LAMB3: variants seen among roughly 807,000 people sequenced by gnomAD.
The protein encoded by LAMB3 is laminin subunit beta-3.
In LAMB3, 104 loss-of-function variants were observed where a neutral mutation model predicts 140.3. That is an observed-to-expected ratio of 0.74 (90% CI 0.63 to 0.87). The LOEUF (loss-of-function observed/expected upper bound fraction) is 0.87. Ranked by LOEUF, LAMB3 falls within the 40% of genes least tolerant of loss-of-function variation. LAMB3 has a pLI of 0.00. For missense variants in LAMB3, 1,531 were observed against 1,575.2 expected (o/e 0.97, Z 0.47); for synonymous variants, 592 against 602.9 (o/e 0.98, Z 0.26).
chr1:209,621,210 C>T (rs1034452198), intron 18 of LAMB3, among the ~76,000 whole-genome samples: 1 of 152,210 alleles, frequency 6.6e-6, no homozygotes, highest in Non-Finnish European at 1.5e-5. Context: ...GGATGAGTGG[C>T]CATTCAGCCT....
At chr1:209,649,095 C>A (rs1305136452) in intron 3 of LAMB3, among the ~76,000 whole-genome samples, 1 of 152,120 alleles carries the variant, frequency 6.6e-6, no homozygotes, top group Non-Finnish European at 1.5e-5. Context: ...CAAGAGAACA[C>A]AGGGACTAGA....
chr1:209,625,805 C>T lies in LAMB3; in HGVS notation c.1819G>A (p.Ala607Thr), dbSNP rs150564174. Residue 607 changes from alanine to threonine, a missense_variant, in exon 14 of 23, where the codon GCC becomes ACC. Physicochemically the swap from Ala to Thr is moderately conservative, Grantham distance 58 (BLOSUM62 0). Transcript: ENST00000356082. ...LRFGRLRNATASLWSGPGLED... is the reference protein window; with the variant it reads ...LRFGRLRNATTSLWSGPGLED... ...AGCCCAGGCCCTGACCACAGGCTGG[C>T]GGTGGCATTGCGGAGTCTACCAAAG... 116 of 1,614,004 alleles carry T rather than the reference C, an allele frequency of 7.2e-5. No homozygotes were observed. In the African/African-American group the frequency reaches 1.0e-3, roughly 14 times the overall value.
At chr1:209,634,316 A>C (rs1666810303) in intron 6 of LAMB3, 131 bp downstream of exon 6, 1 of 907,802 alleles carries the variant, frequency 1.1e-6, no homozygotes, top group Admixed American at 1.8e-5. Flanking sequence ...ACTGGTGGGA[A>C]TTCAGGAAAG....
rs140336145 is a variant in LAMB3 at position 209,629,770 on chromosome 1, G to A, written c.1099C>T (p.Arg367Cys). 8.1e-6 allele frequency: 13 copies of A among 1,614,026 alleles called. No individual in the cohort carries two copies. In the East Asian group the frequency reaches 1.1e-4, roughly 14 times the overall value. ...RCQLHYFRNRRPGASIQETCI... is the reference protein window; with the variant it reads ...RCQLHYFRNRCPGASIQETCI... The stretch of plus-strand genomic sequence containing the variant: ...GTCTCCTGAATGGAAGCTCCCGGGC[G>A]CCGGTTCCGGAAATAGTGCAGCTGA... Residue 367 changes from arginine to cysteine, a missense_variant, in exon 10 of 23, where the codon CGC becomes TGC. Physicochemically the swap from Arg to Cys is radical, Grantham distance 180. Transcript: ENST00000356082.
intron 13 of LAMB3, 113 bp from the exon 14 acceptor site, chr1:209,626,139 AT>A: frequency 8.5e-7 from 1 of 1,174,628 alleles, no homozygotes; most frequent in Non-Finnish European, 1.2e-6. Flanking sequence ...ATGACTTAGA[AT>A]AACAGAAGTC....
In LAMB3 at chr1:209,621,426, A is replaced by G. The variant is rs1287876154; in HGVS notation, c.2701+1110T>C. Among the ~76,000 whole-genome samples the G allele has an allele frequency of 2.0e-5, 3 of 152,328 alleles. No individual in the cohort carries two copies. In the South Asian group the frequency reaches 6.2e-4, roughly 32 times the overall value. On this transcript the variant is annotated intron_variant, in intron 18 of 22. Coordinates refer to ENST00000356082, the MANE Select transcript of LAMB3 (RefSeq NM_000228.3). ...CCTCTCTGACCTGCCACCTGCACTC[A>G]GGAGGGGACTTCGGCCTATCTGGGG...
At chr1:209,616,145 C>G (rs1218607399) in intron 22 of LAMB3, among the ~76,000 whole-genome samples, 1 of 151,976 alleles carries the variant, frequency 6.6e-6, no homozygotes, top group Non-Finnish European at 1.5e-5. Flanking sequence ...ATTATTCAAC[C>G]CCTATCAGAG....
At chr1:209,633,433 T>A (rs916054011) in intron 6 of LAMB3, among the ~76,000 whole-genome samples, 1 of 152,096 alleles carries the variant, frequency 6.6e-6, no homozygotes. Flanking sequence ...CATCTACATA[T>A]AAGGGTTTAG....
intron 3 of LAMB3, among the ~76,000 whole-genome samples, chr1:209,646,252 G>A (rs12144522): frequency 0.17 from 26,005 of 152,150 alleles, 2,411 homozygotes; most frequent in African/African-American, 0.23. Flanking sequence ...AGAGATGACC[G>A]AAGGGCATGG....
At chr1:209,622,161 G>A (rs1666218650) in intron 18 of LAMB3, among the ~76,000 whole-genome samples, 1 of 152,236 alleles carries the variant, frequency 6.6e-6, no homozygotes, top group Non-Finnish European at 1.5e-5. Context: ...GCAGAGAAGA[G>A]CCCAAGGTCA....
intron 5 of LAMB3, among the ~76,000 whole-genome samples, chr1:209,636,327 C>A (rs944573481): frequency 6.6e-6 from 1 of 152,162 alleles, no homozygotes; most frequent in South Asian, 2.1e-4. Context: ...ATTACATACC[C>A]ATAGTTATGA....
In LAMB3 at chr1:209,634,520, C is replaced by T. The variant is rs754855375; in HGVS notation, c.491G>A (p.Arg164Gln). ...CCGAACATCCTGCCAGCTCTGAGGC[C>T]GACCCTGGCGGACCCGAGGGAAGGT... ...TSTFPRVRQG[R>Q]PQSWQDVRCQ... is the part of the protein sequence containing the mutation. Residue 164 changes from arginine (R) to glutamine (Q), a missense_variant, in exon 6 of 23, where the codon CGG (arginine) becomes CAG (glutamine). By Grantham distance (43) the Arg-to-Gln change is conservative. Coordinates refer to ENST00000356082, the MANE Select transcript of LAMB3 (RefSeq NM_000228.3). 15 of 1,614,042 alleles carry T rather than the reference C, an allele frequency of 9.3e-6. No individual in the cohort carries two copies. The highest frequency in any genetic ancestry group is 2.2e-5 in the East Asian group (1 of 44,856).
chr1:209,616,327 G>A (rs1665960778), intron 22 of LAMB3, 144 bp downstream of exon 22: 1 of 941,760 alleles, frequency 1.1e-6, no homozygotes, highest in African/African-American at 1.6e-5. Context: ...CCTCATACAT[G>A]CTAGATGCCC....
intron 18 of LAMB3, 53 bp downstream of exon 18, chr1:209,622,483 C>T (rs879115792): frequency 4.4e-5 from 70 of 1,605,354 alleles, no homozygotes; most frequent in South Asian, 2.5e-4. Flanking sequence ...CATGGGAATG[C>T]GGGACAGGCA....
chr1:209,627,604 C>G (rs1666515822), intron 11 of LAMB3, 25 bp from the exon 12 acceptor site: 1 of 1,610,716 alleles, frequency 6.2e-7, no homozygotes, highest in South Asian at 1.1e-5. Context: ...CTGCTGAGCT[C>G]AGGCAGACGC....
At chr1:209,627,856 T>A (rs1666528086) in intron 11 of LAMB3, among the ~76,000 whole-genome samples, 179 bp downstream of exon 11, 1 of 152,202 alleles carries the variant, frequency 6.6e-6, no homozygotes, top group Non-Finnish European at 1.5e-5. Flanking sequence ...TGGCACAGCA[T>A]CTGGCGCTGG....
chr1:209,638,876 G>A (rs1421060695), intron 3 of LAMB3, among the ~76,000 whole-genome samples: 2 of 151,860 alleles, frequency 1.3e-5, no homozygotes, highest in South Asian at 4.2e-4. Context: ...GCAAGTGAAT[G>A]GTGAATAGAT....
intron 18 of LAMB3, among the ~76,000 whole-genome samples, chr1:209,622,268 GGAGT>G (rs1352590246): frequency 6.6e-6 from 1 of 152,214 alleles, no homozygotes; most frequent in Non-Finnish European, 1.5e-5. Context: ...ATTTTAAGCA[GGAGT>G]GAGATGTGAT....
chr1:209,616,346 T>C lies in LAMB3; in HGVS notation c.3382+125A>G, dbSNP rs376408429. On this transcript the variant is annotated intron_variant, in intron 22 of 22. Transcript: ENST00000356082. ...ATACATGCTAGATGCCCAGAAAAAA[T>C]CTCATTTGATCTCACTCCCATAGCA... is the stretch of plus-strand genomic sequence containing the variant. 197 of 1,107,468 alleles carry C rather than the reference T, an allele frequency of 1.8e-4. 5 individuals are homozygous for C. The South Asian group carries it at 1.9e-3, about 11-fold the overall frequency. 68.6% of individuals were successfully genotyped at this position (1,107,468 alleles called of 1,614,324 possible).
Sources: allele counts gnomAD v4.1 joint callset (sites outside exome capture counted in the v4.1 genomes callset), GRCh38; gene constraint gnomAD v4.1.1; transcripts MANE v1.5; gene names NCBI Gene and HGNC (gene_info 2026-07-23, HGNC 2026-07-21).